The following RAB6B variants were observed in gnomAD, a reference collection of about 807,000 sequenced individuals.
RAB6B encodes RAB6B, member RAS oncogene family.
In RAB6B, 7 loss-of-function variants were observed where a neutral mutation model predicts 31.2. The ratio of observed to expected loss-of-function variants is 0.22; its 90% CI spans 0.13 to 0.42. RAB6B has a LOEUF of 0.42. Among genes scored for constraint, RAB6B ranks in the 10% least tolerant of loss-of-function variants. RAB6B has a pLI of 1.00. For synonymous variants in RAB6B, 105 were observed against 104.9 expected, an observed-to-expected ratio of 1.00 and a Z score of -0.01; for missense variants, 149 against 280.6, an observed-to-expected ratio of 0.53 and a Z score of 3.35.
chr3:133,841,555 G>C, intron 3 of RAB6B, 55 bp downstream of exon 3: 1 of 1,596,738 alleles, frequency 6.3e-7, no homozygotes, highest in Admixed American at 1.7e-5. Context: ...GGTCCTAGGG[G>C]ATAAGCCCAA....
chr3:133,871,303 A>G (rs1213452470), intron 1 of RAB6B, among the ~76,000 whole-genome samples: 1 of 152,216 alleles, frequency 6.6e-6, no homozygotes, highest in Non-Finnish European at 1.5e-5. Context: ...ATGCAAGGAA[A>G]GGCCGCTCTG....
Position 133,828,319 on chromosome 3 carries a change from T to C in RAB6B, c.*469A>G, listed in dbSNP as rs1304826162. 5.5e-6 allele frequency: 2 copies of C among 365,284 alleles called. No homozygotes were observed. The highest frequency in any genetic ancestry group is 1.2e-4 in the East Asian group (2 of 17,082). 22.6% of individuals were successfully genotyped at this position (365,284 alleles called of 1,614,324 possible). On this transcript the variant is annotated 3_prime_UTR_variant, in exon 8 of 8. Coordinates refer to ENST00000285208, the MANE Select transcript of RAB6B (RefSeq NM_016577.4). ...ACTGAAGCCTAATTAATTTGCTCAGTTAATTGTTTTAATTTATTGGGCTGG... is the reference window on the plus strand; with the variant it reads ...ACTGAAGCCTAATTAATTTGCTCAGCTAATTGTTTTAATTTATTGGGCTGG...
At chr3:133,890,530 G>A (rs1390264856) in intron 1 of RAB6B, among the ~76,000 whole-genome samples, 2 of 152,108 alleles carry the variant, frequency 1.3e-5, no homozygotes, top group African/African-American at 2.4e-5. Flanking sequence ...GCTTGAACCC[G>A]GGAGGCGGAG....
At chr3:133,886,242 C>G (rs1170817905) in intron 1 of RAB6B, among the ~76,000 whole-genome samples, 1 of 152,224 alleles carries the variant, frequency 6.6e-6, no homozygotes, top group African/African-American at 2.4e-5. Flanking sequence ...GCAAAACCTC[C>G]TCCAGAAAGC....
In RAB6B at chr3:133,890,776, A is replaced by G. The variant is rs187035076; in HGVS notation, c.70+4621T>C. Among the ~76,000 whole-genome samples the G allele has an allele frequency of 2.6e-3, 395 of 152,314 alleles. 1 individual carries two copies. Among genetic ancestry groups the G allele is most frequent in the African/African-American group, 8.8e-3 (367 of 41,574 alleles). ...GCAGGTGGGGAGGGGTGAAATGATGACTAAGACATAGACCTCAGAAGATGC... is the reference window on the plus strand; with the variant it reads ...GCAGGTGGGGAGGGGTGAAATGATGGCTAAGACATAGACCTCAGAAGATGC... On this transcript the variant is annotated intron_variant, in intron 1 of 7. Coordinates refer to ENST00000285208, the MANE Select transcript of RAB6B (RefSeq NM_016577.4).
At chr3:133,840,543 G>A (rs561929112) in intron 4 of RAB6B, among the ~76,000 whole-genome samples, 7 of 152,342 alleles carry the variant, frequency 4.6e-5, no homozygotes, top group Non-Finnish European at 7.4e-5. Context: ...GCTGGGTGGC[G>A]GGGGCATGCA....
At chr3:133,869,122 G>C (rs1936281932) in intron 1 of RAB6B, among the ~76,000 whole-genome samples, 1 of 152,150 alleles carries the variant, frequency 6.6e-6, no homozygotes, top group African/African-American at 2.4e-5. Flanking sequence ...GGGGTGAAGG[G>C]GAATTCCAGA....
chr3:133,895,812 A>G lies in RAB6B; in HGVS notation c.-346T>C, dbSNP rs961086643. ...GGCGCAGGGACGGCGCGCGGGGCGG[A>G]GGAGCGCTCTCCAGAGCCGCGCCAG... On this transcript the variant is annotated 5_prime_UTR_variant, in exon 1 of 8. Transcript: ENST00000285208. The G allele has an allele frequency of 5.3e-5, 15 of 285,388 alleles. No individual in the cohort carries two copies. Among genetic ancestry groups the G allele is most frequent in the Admixed American group, 1.1e-4 (2 of 18,314 alleles). The allele number at this position is 285,388 out of a possible 1,614,324, so 17.7% of individuals were successfully genotyped here.
rs1011131269 is a variant in RAB6B, at chr3:133,826,763, A to T, written c.*2025T>A. The T allele has an allele frequency of 4.6e-5, 7 of 152,678 alleles. No homozygotes were observed. Among genetic ancestry groups the T allele is most frequent in the African/African-American group, 1.7e-4 (7 of 41,480 alleles). 9.5% of individuals were successfully genotyped at this position (152,678 alleles called of 1,614,324 possible). Reference sequence around the variant, plus strand: ...ATTGATGGCAAGACAATCACAAGTTATTTGACAATATTAAGTATTTCTTAT... The same window carrying T: ...ATTGATGGCAAGACAATCACAAGTTTTTTGACAATATTAAGTATTTCTTAT... On this transcript the variant is annotated 3_prime_UTR_variant, in exon 8 of 8. Coordinates refer to ENST00000285208, the MANE Select transcript of RAB6B (RefSeq NM_016577.4).
intron 1 of RAB6B, among the ~76,000 whole-genome samples, chr3:133,893,073 T>C (rs1330403290): frequency 1.3e-5 from 2 of 152,230 alleles, no homozygotes; most frequent in Admixed American, 6.5e-5. Flanking sequence ...ATCTCACTGA[T>C]AGCAGTGACT....
intron 1 of RAB6B, among the ~76,000 whole-genome samples, chr3:133,889,413 TA>T (rs1936601848): frequency 1.9e-5 from 1 of 53,356 alleles, no homozygotes; most frequent in African/African-American, 8.3e-5. Flanking sequence ...TATATATATA[TA>T]TATATATATA....
At chr3:133,846,362 G>C (rs113387570) in intron 2 of RAB6B, among the ~76,000 whole-genome samples, 33 of 152,230 alleles carry the variant, frequency 2.2e-4, no homozygotes, top group African/African-American at 7.9e-4. Context: ...CAGGAGACTC[G>C]CTTGAATCTG....
At chr3:133,876,864 C>T (rs905655048) in intron 1 of RAB6B, among the ~76,000 whole-genome samples, 1 of 152,016 alleles carries the variant, frequency 6.6e-6, no homozygotes, top group African/African-American at 2.4e-5. Context: ...ACACTGCCTG[C>T]CCAGACTGAT....
intron 1 of RAB6B, 133 bp downstream of exon 1, chr3:133,895,264 C>T: frequency 4.2e-6 from 4 of 961,482 alleles, no homozygotes; most frequent in South Asian, 3.3e-5. Context: ...CCGACCTCCC[C>T]ATCCCTGTCC....
intron 2 of RAB6B, among the ~76,000 whole-genome samples, chr3:133,857,978 ATCTGAG>A: frequency 6.6e-6 from 1 of 152,204 alleles, no homozygotes; most frequent in Non-Finnish European, 1.5e-5. Context: ...ACACAGCTGT[ATCTGAG>A]TCTGTGTGCC....
Position 133,842,611 on chromosome 3 carries a change from C to T in RAB6B, c.130-948G>A, listed in dbSNP as rs115168580. Among the ~76,000 whole-genome samples, 969 of 152,206 alleles carry T rather than the reference C, an allele frequency of 6.4e-3. 8 individuals are homozygous for T. The highest frequency in any genetic ancestry group is 0.022 in the African/African-American group (916 of 41,532). The stretch of plus-strand genomic sequence containing the variant: ...AAAAATATTTAAGGATTTGGGGAAA[C>T]GGTTATCCAGTTAAAAAAACAAATA... On this transcript the variant is annotated intron_variant, in intron 2 of 7. Transcript: ENST00000285208.
chr3:133,886,930 G>A (rs764317389), intron 1 of RAB6B, among the ~76,000 whole-genome samples: 1 of 151,978 alleles, frequency 6.6e-6, no homozygotes, highest in African/African-American at 2.4e-5. Flanking sequence ...ATGAGCACAG[G>A]TGGTGCCATT....
At position 133,825,951 on chromosome 3, in the gene RAB6B, T is replaced by C. The variant is rs560110102; in HGVS notation, c.*2837A>G. On this transcript the variant is annotated 3_prime_UTR_variant, in exon 8 of 8. Transcript: ENST00000285208. The stretch of plus-strand genomic sequence containing the variant: ...GGGGTGCTGAGGCAATGCCATGACA[T>C]CTTCTTCAAGAGCACCTAACAGTTT... 1 of 152,192 alleles carries C rather than the reference T, an allele frequency of 6.6e-6. No individual in the cohort carries two copies. The highest frequency in any genetic ancestry group is 1.5e-5 in the Non-Finnish European group (1 of 68,046). 9.4% of individuals were successfully genotyped at this position (152,192 alleles called of 1,614,324 possible).
chr3:133,877,449 G>C lies in RAB6B; in HGVS notation c.71-12807C>G, dbSNP rs534513622. Reference sequence around the variant, plus strand: ...AAGTCTCATCATTTACGGGATGCTGGGGAGAGTCCTCAGAAGGGCTGGGCC... The same window carrying C: ...AAGTCTCATCATTTACGGGATGCTGCGGAGAGTCCTCAGAAGGGCTGGGCC... On this transcript the variant is annotated intron_variant, in intron 1 of 7. Coordinates refer to ENST00000285208, the MANE Select transcript of RAB6B (RefSeq NM_016577.4). 2.6e-5 allele frequency among the ~76,000 whole-genome samples: 4 copies of C among 152,290 alleles called. 1 individual carries two copies. The highest frequency in any genetic ancestry group is 9.6e-5 in the African/African-American group (4 of 41,560).
Sources: allele counts gnomAD v4.1 joint callset (sites outside exome capture counted in the v4.1 genomes callset), GRCh38; gene constraint gnomAD v4.1.1; transcripts MANE v1.5; gene names NCBI Gene and HGNC (gene_info 2026-07-23, HGNC 2026-07-21).